The following DST variants were observed in gnomAD, a reference collection of about 807,000 sequenced individuals.
DST encodes bullous pemphigoid antigen.
A neutral mutation model predicts 875.2 loss-of-function variants in DST; 253 were observed. The observed-to-expected ratio is 0.29, with a 90% confidence interval of 0.26 to 0.32. The LOEUF is 0.32. Ranked by LOEUF, DST falls within the 10% of genes least tolerant of loss-of-function variation. DST has a pLI of 1.00. For synonymous variants in DST, 3,124 were observed against 3,197.1 expected (o/e 0.98, Z 0.77); for missense variants, 8,287 against 9,111.6 (o/e 0.91, Z 3.68).
chr6:56,895,000 T>C (rs1592188696), intron 3 of DST, among the ~76,000 whole-genome samples: 1 of 88,520 alleles, frequency 1.1e-5, no homozygotes, highest in Non-Finnish European at 2.1e-5. Flanking sequence ...CCTACCTCCC[T>C]CCCGGACTGG....
At chr6:56,703,860 G>T (rs1319084085) in intron 6 of DST, 114 bp from the exon 7 acceptor site, 12 of 169,460 alleles carry the variant, frequency 7.1e-5, no homozygotes, top group Non-Finnish European at 7.7e-5. Flanking sequence ...AGAAGGGGAA[G>T]TAATGTTCAC....
chr6:56,652,214 T>C (rs1324290077), intron 10 of DST, among the ~76,000 whole-genome samples: 3 of 152,136 alleles, frequency 2.0e-5, no homozygotes, highest in Admixed American at 1.3e-4. Context: ...TCTATCTACA[T>C]GAGAGAGGAA....
chr6:56,468,305 CT>C lies in DST; in HGVS notation c.22569+676del, dbSNP rs2094694552. Among the ~76,000 whole-genome samples, 6 of 140,278 alleles carry C rather than the reference CT, an allele frequency of 4.3e-5. No individual in the cohort carries two copies. In the South Asian group the frequency reaches 1.4e-3, roughly 33 times the overall value. The allele number at this position is 140,278 out of a possible 152,430, so 92.0% of individuals were successfully genotyped here. A position where few individuals can be genotyped will look rare whatever the true frequency, so the allele number is the denominator to read the frequency against. The stretch of plus-strand genomic sequence containing the variant: ...TGTCAACATAAACATTTTATATTGA[CT>C]TAAGTGCCAATAATATAAATATTCG... On this transcript the variant is annotated intron_variant, in intron 98 of 103. Transcript: ENST00000680361.
chr6:56,626,031 TA>T (rs2098731827), intron 34 of DST, among the ~76,000 whole-genome samples: 1 of 146,552 alleles, frequency 6.8e-6, no homozygotes, highest in Non-Finnish European at 1.5e-5. Context: ...GAATAAAGTA[TA>T]AAGAAAGAAG....
intron 4 of DST, among the ~76,000 whole-genome samples, chr6:56,846,529 C>T (rs1450929191): frequency 6.6e-6 from 1 of 152,198 alleles, no homozygotes; most frequent in East Asian, 1.9e-4. Context: ...TAGCTAACAA[C>T]AGCAGATCTG....
At chr6:56,742,556 G>A (rs557758996) in intron 4 of DST, among the ~76,000 whole-genome samples, 20 of 152,150 alleles carry the variant, frequency 1.3e-4, no homozygotes, top group Non-Finnish European at 2.5e-4. Flanking sequence ...TTACTAAAAA[G>A]AAACCAAATT....
chr6:56,651,001 T>C lies in DST; in HGVS notation c.1359A>G (p.Ser453=), dbSNP rs756345417. The part of the protein sequence containing the change: ...DVDVSSPDEK[S]VITYVSSLYD... The stretch of plus-strand genomic sequence containing the variant: ...AGAGAGATGACACGTAAGTTATTAC[T>C]GATTTTTCATCAGGTGAGGAGACAT... Residue 453 remains serine (S), a synonymous_variant, in exon 12 of 104, where the codon TCA becomes TCG. Transcript: ENST00000680361. The C allele has an allele frequency of 5.0e-6, 8 of 1,612,828 alleles. No homozygotes were observed. Among genetic ancestry groups the C allele is most frequent in the Middle Eastern group, 1.6e-4 (1 of 6,078 alleles).
chr6:56,848,685 A>G (rs748889623), intron 4 of DST, among the ~76,000 whole-genome samples: 15 of 152,178 alleles, frequency 9.9e-5, no homozygotes, highest in Non-Finnish European at 1.8e-4. Context: ...TCCTCCATGT[A>G]TGATTATTGT....
intron 69 of DST, among the ~76,000 whole-genome samples, chr6:56,521,120 G>T (rs2096690629): frequency 6.6e-6 from 1 of 152,158 alleles, no homozygotes; most frequent in African/African-American, 2.4e-5. Flanking sequence ...TAATTCAGCA[G>T]CTTCAGGTGT....
At position 56,701,904 on chromosome 6, in the gene DST, T is replaced by C; in HGVS notation, c.938A>G (p.Tyr313Cys). The change falls in exon 8 of 104, where the codon TAT (tyrosine) becomes TGT (cysteine). Residue 313 changes from tyrosine to cysteine, a missense_variant. Around this residue, in one of 10 missense-constraint regions of DST, gnomAD observed 1,160 missense variants for 1,424.3 expected, o/e 0.81. Coordinates refer to ENST00000680361, the MANE Select transcript of DST (RefSeq NM_001374736.1). ...ACATCATACCTGGCGTCTTTTCAAA[T>C]AGTCAAGTGCAATTTGTACATTCTG... is the stretch of plus-strand genomic sequence containing the variant. The part of the protein sequence containing the change: ...RLQNVQIALD[Y>C]LKRRQVKLVN... The C allele has an allele frequency of 6.2e-7, 1 of 1,608,568 alleles. No homozygotes were observed. Among genetic ancestry groups the C allele is most frequent in the Non-Finnish European group, 8.5e-7 (1 of 1,175,846 alleles).
At chr6:56,572,311 C>G (rs1272991032) in intron 52 of DST, 45 bp from the exon 53 acceptor site, 1 of 1,358,164 alleles carries the variant, frequency 7.4e-7, no homozygotes, top group African/African-American at 1.5e-5. Flanking sequence ...GTTGCTAGAT[C>G]TTCAAATGGC....
chr6:56,619,983 C>T (rs778612637), intron 36 of DST: 1 of 1,613,992 alleles, frequency 6.2e-7, no homozygotes, highest in Non-Finnish European at 8.5e-7. Context: ...TGCTGGAGAC[C>T]CGTTACTGCC....
At chr6:56,886,906 T>C (rs1358451622) in intron 3 of DST, among the ~76,000 whole-genome samples, 6 of 151,978 alleles carry the variant, frequency 3.9e-5, no homozygotes, top group African/African-American at 1.5e-4. Context: ...ACAATCATCA[T>C]CTCAGAACTA....
chr6:56,731,546 C>T (rs1169855570), intron 5 of DST, among the ~76,000 whole-genome samples: 1 of 152,234 alleles, frequency 6.6e-6, no homozygotes, highest in African/African-American at 2.4e-5. Flanking sequence ...AAGATGCTAT[C>T]ATCTGCAAAT....
chr6:56,600,529 C>A (rs936336849), intron 44 of DST, among the ~76,000 whole-genome samples: 3 of 151,972 alleles, frequency 2.0e-5, no homozygotes, highest in African/African-American at 7.2e-5. Flanking sequence ...GCTGTTGAAA[C>A]CTGCGACACA....
At chr6:56,843,623 C>T (rs1200712523) in intron 4 of DST, 4 of 983,288 alleles carry the variant, frequency 4.1e-6, no homozygotes, top group Admixed American at 6.2e-5. Context: ...CTGCCTTCAC[C>T]GGGGATGCTG....
intron 36 of DST, chr6:56,619,090 G>A: frequency 6.2e-7 from 1 of 1,613,354 alleles, no homozygotes; most frequent in Non-Finnish European, 8.5e-7. Flanking sequence ...CTTCTTCTAG[G>A]CATTTAATTT....
intron 47 of DST, among the ~76,000 whole-genome samples, chr6:56,596,734 T>A (rs1435213206): frequency 6.6e-6 from 1 of 152,192 alleles, no homozygotes; most frequent in Non-Finnish European, 1.5e-5. Context: ...TGCAAAAGTT[T>A]CTGAGGTCCA....
rs572044438 is a variant in DST, at chr6:56,874,308, C to T, written c.418-22704G>A. ...GAGCTATGAGTGCACCACTTCTCTC[C>T]TGCCTGGGCATCACAGCGAGATCCC... is the stretch of plus-strand genomic sequence containing the variant. On this transcript the variant is annotated intron_variant, in intron 3 of 103. Transcript: ENST00000680361. Among the ~76,000 whole-genome samples the T allele has an allele frequency of 1.8e-3, 279 of 152,242 alleles. 1 individual carries two copies. The highest frequency in any genetic ancestry group is 0.017 in the Middle Eastern group (5 of 294).
Sources: allele counts gnomAD v4.1 joint callset (sites outside exome capture counted in the v4.1 genomes callset), GRCh38; gene constraint gnomAD v4.1.1; regional missense constraint gnomAD v4.1.1; transcripts MANE v1.5; gene names NCBI Gene and HGNC (gene_info 2026-07-23, HGNC 2026-07-21).